TP53I11: variants seen among roughly 807,000 people sequenced by gnomAD.
The protein encoded by TP53I11 is tumor protein p53-inducible protein 11.
In TP53I11, 9 loss-of-function variants were observed where a neutral mutation model predicts 23.3. That is an observed-to-expected ratio of 0.39 (90% CI 0.23 to 0.67). The LOEUF (loss-of-function observed/expected upper bound fraction) is 0.67. TP53I11 is among the 30% of genes least tolerant of loss of function. The pLI is 0.48. For synonymous variants in TP53I11, 100 were observed against 106.1 expected, an observed-to-expected ratio of 0.94 and a Z score of 0.35; for missense variants, 170 against 255.2, an observed-to-expected ratio of 0.67 and a Z score of 2.27.
At position 44,936,218 on chromosome 11, in the gene TP53I11, T is replaced by A; in HGVS notation, c.335-556A>T. ...TGTCTGCTGGTACCAGACATGCCAC[T>A]GGGTGTGCATTTATTTTATTCCAGC... On this transcript the variant is annotated intron_variant, in intron 5 of 6. Transcript: ENST00000525680. The surrounding 1 kb of genome is among the most constrained non-coding windows in gnomAD (Gnocchi z 4.4). The A allele has an allele frequency of 9.7e-7, 1 of 1,027,742 alleles. No individual in the cohort carries two copies. The highest frequency in any genetic ancestry group is 1.2e-6 in the Non-Finnish European group (1 of 858,826). 63.7% of individuals were successfully genotyped at this position (1,027,742 alleles called of 1,614,324 possible). A position where few individuals can be genotyped will look rare whatever the true frequency, so the allele number is the denominator to read the frequency against.
intron 1 of TP53I11, among the ~76,000 whole-genome samples, chr11:44,946,792 A>G (rs1460759482): frequency 6.6e-6 from 1 of 152,062 alleles, no homozygotes; most frequent in Non-Finnish European, 1.5e-5. Context: ...TAAGAAAATG[A>G]GAATGTGGTC....
chr11:44,943,580 G>A (rs1862104856), intron 1 of TP53I11, among the ~76,000 whole-genome samples: 1 of 152,182 alleles, frequency 6.6e-6, no homozygotes, highest in Admixed American at 6.5e-5. Context: ...AAGTGAGAAG[G>A]TCCCTGGGAC....
Position 44,940,429 on chromosome 11 carries a change from C to T in TP53I11, c.-31-2063G>A, listed in dbSNP as rs377076570. 7.1e-4 allele frequency: 108 copies of T among 152,422 alleles called. 2 individuals are homozygous for T. Among genetic ancestry groups the T allele is most frequent in the African/African-American group, 2.4e-3 (100 of 41,578 alleles). The allele number at this position is 152,422 out of a possible 1,614,324, so 9.4% of individuals were successfully genotyped here. A position where few individuals can be genotyped will look rare whatever the true frequency, so the allele number is the denominator to read the frequency against. On this transcript the variant is annotated intron_variant, in intron 1 of 6. Transcript: ENST00000525680. ...CCACTCCCTCCCCTCACACCTCCACCCTGGCAACCACTGATCTATTCTCTG... is the reference window on the plus strand; with the variant it reads ...CCACTCCCTCCCCTCACACCTCCACTCTGGCAACCACTGATCTATTCTCTG...
intron 1 of TP53I11, among the ~76,000 whole-genome samples, chr11:44,942,097 CCA>C: frequency 1.4e-5 from 2 of 140,106 alleles, no homozygotes; most frequent in Non-Finnish European, 3.1e-5. Context: ...ACTACACACA[CCA>C]CACAATACGT....
At chr11:44,942,722 T>C in intron 1 of TP53I11, among the ~76,000 whole-genome samples, 1 of 152,162 alleles carries the variant, frequency 6.6e-6, no homozygotes, top group East Asian at 1.9e-4. Flanking sequence ...AAAGGGCCCA[T>C]GTGGCCCCAC....
chr11:44,939,269 A>C (rs540106337), intron 1 of TP53I11: 1 of 152,374 alleles, frequency 6.6e-6, no homozygotes, highest in South Asian at 2.1e-4. Flanking sequence ...TGGCTTCTCT[A>C]ATCACAGCTG....
intron 3 of TP53I11, 31 bp downstream of exon 3, chr11:44,937,524 C>A: frequency 6.2e-7 from 1 of 1,612,282 alleles, no homozygotes. Flanking sequence ...GCAGGCCTTC[C>A]CCTCCCCCAA....
In TP53I11 at chr11:44,936,784, C is replaced by T. The variant is rs777044959; in HGVS notation, c.334+19G>A. 13 of 1,535,072 alleles carry T rather than the reference C, an allele frequency of 8.5e-6. No individual in the cohort carries two copies. Among genetic ancestry groups the T allele is most frequent in the Non-Finnish European group, 1.1e-5 (13 of 1,144,636 alleles). ...AGCTGCCCGTCGCCTCCCCCAGGGC[C>T]CGCCCCAGCAGTACTCACTGAGGAG... On this transcript the variant is annotated intron_variant, in intron 5 of 6. Transcript: ENST00000525680. The surrounding 1 kb of genome is among the most constrained non-coding windows in gnomAD (Gnocchi z 4.4).
intron 1 of TP53I11, among the ~76,000 whole-genome samples, chr11:44,939,949 C>T (rs995137558): frequency 2.6e-5 from 4 of 152,240 alleles, no homozygotes; most frequent in Non-Finnish European, 4.4e-5. Context: ...AAGAGACTCC[C>T]GGTTAATGCT....
Position 44,935,007 on chromosome 11 carries a change from G to C in TP53I11, c.447C>G (p.Ala149=), listed in dbSNP as rs765349992. 6.2e-7 allele frequency: 1 copy of C among 1,613,632 alleles called. No individual in the cohort carries two copies. The highest frequency in any genetic ancestry group is 1.3e-5 in the African/African-American group (1 of 74,940). ...YFGVQFLVVT[A]TLAETGLMSL... ...ACATGAGGCCCGTCTCAGCTAGCGT[G>C]GCAGTGACCACTGTGGGAGAGAGTC... Residue 149 remains alanine, a synonymous_variant, in exon 7 of 7, where the codon GCC becomes GCG. Transcript: ENST00000525680.
At chr11:44,945,639 G>A (rs1210705617) in intron 1 of TP53I11, among the ~76,000 whole-genome samples, 1 of 152,152 alleles carries the variant, frequency 6.6e-6, no homozygotes, top group Non-Finnish European at 1.5e-5. Context: ...GACTCCAGCA[G>A]GACTTGGGGA....
chr11:44,938,360 A>T lies in TP53I11; in HGVS notation c.-25T>A, dbSNP rs1861399829. 6.4e-7 allele frequency: 1 copy of T among 1,570,650 alleles called. No homozygotes were observed. The highest frequency in any genetic ancestry group is 8.6e-7 in the Non-Finnish European group (1 of 1,159,644). ...TCTTCTCCTCCAGCCCGGCCTCTGC[A>T]GAAGGGCTGAGGGGAGACACCGGCC... is the stretch of plus-strand genomic sequence containing the variant. On this transcript the variant is annotated 5_prime_UTR_variant, in exon 2 of 7. Coordinates refer to ENST00000525680, the MANE Select transcript of TP53I11 (RefSeq NM_006034.5).
In TP53I11 at chr11:44,941,280, T is replaced by G. The variant is rs571726009; in HGVS notation, c.-31-2914A>C. Among the ~76,000 whole-genome samples, 24 of 152,304 alleles carry G rather than the reference T, an allele frequency of 1.6e-4. No homozygotes were observed. In the East Asian group the frequency reaches 2.9e-3, roughly 18 times the overall value. On this transcript the variant is annotated intron_variant, in intron 1 of 6. Transcript: ENST00000525680. Reference sequence around the variant, plus strand: ...AGCCACTGATTAGAGCAAGTTACTTTTCCTCTCTGAGCTCCGGGGTCCTCA... The same window carrying G: ...AGCCACTGATTAGAGCAAGTTACTTGTCCTCTCTGAGCTCCGGGGTCCTCA...
In TP53I11 at chr11:44,936,239, C is replaced by T. The variant is rs1303141150; in HGVS notation, c.334+564G>A. The T allele has an allele frequency of 1.9e-6, 2 of 1,048,178 alleles. No individual in the cohort carries two copies. The highest frequency in any genetic ancestry group is 1.7e-5 in the African/African-American group (1 of 59,524). The allele number at this position is 1,048,178 out of a possible 1,614,324, so 64.9% of individuals were successfully genotyped here. On this transcript the variant is annotated intron_variant, in intron 5 of 6. Coordinates refer to ENST00000525680, the MANE Select transcript of TP53I11 (RefSeq NM_006034.5). This position sits in a 1 kb window ranked among gnomAD's most constrained non-coding sequence, Gnocchi z 4.4. Reference sequence around the variant, plus strand: ...CCACTGGGTGTGCATTTATTTTATTCCAGCAACCCTAACTCCAGAGGAGCT... The same window carrying T: ...CCACTGGGTGTGCATTTATTTTATTTCAGCAACCCTAACTCCAGAGGAGCT...
At chr11:44,935,868 C>G in intron 5 of TP53I11, 1 of 596,808 alleles carries the variant, frequency 1.7e-6, no homozygotes. Flanking sequence ...GCTGCTTCAG[C>G]CTGCTCCTGT....
upstream of TP53I11, chr11:44,951,214 A>G (rs1191952975): frequency 1.3e-5 from 2 of 152,500 alleles, no homozygotes; most frequent in Non-Finnish European, 2.9e-5. Flanking sequence ...AAACCACACC[A>G]TCTTAAATAG....
intron 1 of TP53I11, among the ~76,000 whole-genome samples, chr11:44,941,359 G>A (rs1192298123): frequency 6.6e-6 from 1 of 152,180 alleles, no homozygotes; most frequent in Non-Finnish European, 1.5e-5. Context: ...GGTCTCAGGA[G>A]AAACAAAATA....
At chr11:44,949,268 T>C (rs1226675376) in intron 1 of TP53I11, among the ~76,000 whole-genome samples, 2 of 152,144 alleles carry the variant, frequency 1.3e-5, no homozygotes, top group East Asian at 1.9e-4. Context: ...CCCGCGTCCC[T>C]GGGATCTGCG....
intron 1 of TP53I11, among the ~76,000 whole-genome samples, chr11:44,949,230 CCCCT>C (rs1862688774): frequency 6.6e-6 from 1 of 152,196 alleles, no homozygotes; most frequent in Non-Finnish European, 1.5e-5. Flanking sequence ...CGGACAGTGC[CCCCT>C]CCTGGCTCTG....
Sources: gnomAD v4.1 joint callset for allele counts (sites outside exome capture counted in the v4.1 genomes callset) on GRCh38, gnomAD v4.1.1 for gene constraint, Gnocchi (gnomAD v3.1) non-coding constraint, MANE v1.5 for transcripts, NCBI Gene and HGNC (gene_info 2026-07-23, HGNC 2026-07-21) for gene names.